The following CNNM2 variants were observed in gnomAD, a reference collection of about 807,000 sequenced individuals.
The protein encoded by CNNM2 is metal transporter CNNM2.
In CNNM2, 12 loss-of-function variants were observed where a neutral mutation model predicts 66.9. That is an observed-to-expected ratio of 0.18 (90% CI 0.11 to 0.29). The LOEUF is 0.29. CNNM2 is among the 10% of genes least tolerant of loss of function. The pLI, the probability that CNNM2 is intolerant of heterozygous loss-of-function variation, is 1.00. For synonymous variants in CNNM2, 557 were observed against 501.8 expected (o/e 1.11, Z -1.47); for missense variants, 705 against 1,167.7 (o/e 0.60, Z 5.77).
At chr10:103,044,929 A>C (rs192687356) in intron 1 of CNNM2, among the ~76,000 whole-genome samples, 1 of 152,332 alleles carries the variant, frequency 6.6e-6, no homozygotes, top group Admixed American at 6.5e-5. Context: ...CTGGTATTTC[A>C]AGTATGTCCA....
intron 1 of CNNM2, among the ~76,000 whole-genome samples, chr10:103,037,281 A>C (rs991686025): frequency 1.3e-5 from 2 of 148,238 alleles, no homozygotes; most frequent in Non-Finnish European, 3.0e-5. Context: ...TATATATTTT[A>C]TTTTTATATA....
chr10:102,954,586 T>A (rs1159030319), intron 1 of CNNM2, among the ~76,000 whole-genome samples: 3 of 152,144 alleles, frequency 2.0e-5, no homozygotes, highest in Non-Finnish European at 4.4e-5. Context: ...TGCTAGGCAT[T>A]TGTGGACAAT....
In CNNM2 at chr10:102,995,674, G is replaced by A. The variant is rs10883817; in HGVS notation, c.1622-54033G>A. Among the ~76,000 whole-genome samples, 60,606 of 148,474 alleles carry A rather than the reference G, an allele frequency of 0.41. 12,360 individuals carry two copies. The highest frequency in any genetic ancestry group is 0.49 in the East Asian group (2,474 of 5,052). ...AACCATGTTAGCTTATTAAAAATGT[G>A]TTACGTCTGGTGGGGGTGGGGGTTG... On this transcript the variant is annotated intron_variant, in intron 1 of 7. Transcript: ENST00000369878.
chr10:103,002,640 C>T (rs889215023), intron 1 of CNNM2, among the ~76,000 whole-genome samples: 16 of 152,090 alleles, frequency 1.1e-4, no homozygotes, highest in African/African-American at 3.4e-4. Flanking sequence ...CCACCACACC[C>T]GGCTAATTTT....
At position 103,028,908 on chromosome 10, in the gene CNNM2, C is replaced by T. The variant is rs190850831; in HGVS notation, c.1622-20799C>T. ...TGTGATATCGGCTCACTGCAACCTCCGCACACCAGGTTCAATCGATTGTCA... is the reference window on the plus strand; with the variant it reads ...TGTGATATCGGCTCACTGCAACCTCTGCACACCAGGTTCAATCGATTGTCA... On this transcript the variant is annotated intron_variant, in intron 1 of 7. Transcript: ENST00000369878. 2.0e-3 allele frequency among the ~76,000 whole-genome samples: 303 copies of T among 149,420 alleles called. 4 individuals carry two copies. The highest frequency in any genetic ancestry group is 3.0e-4 in the Non-Finnish European group (20 of 67,578).
intron 1 of CNNM2, among the ~76,000 whole-genome samples, chr10:103,044,296 T>C (rs2065092289): frequency 6.6e-6 from 1 of 152,174 alleles, no homozygotes; most frequent in African/African-American, 2.4e-5. Flanking sequence ...TGAAAATTTA[T>C]GTATTGAAAA....
rs2065770592 is a variant in CNNM2 at position 103,082,860 on chromosome 10, C to T, written c.*5680C>T. ...GGTTTCTTGGTGACAGGCTCTCTTC[C>T]CCTATGTAGGGTACAGTACAGCTGT... On this transcript the variant is annotated 3_prime_UTR_variant, in exon 8 of 8. Transcript: ENST00000369878. The T allele has an allele frequency of 6.6e-6, 1 of 152,214 alleles. No individual in the cohort carries two copies. Among genetic ancestry groups the T allele is most frequent in the Admixed American group, 6.5e-5 (1 of 15,276 alleles). The allele number at this position is 152,214 out of a possible 1,614,324, so 9.4% of individuals were successfully genotyped here.
Position 103,079,216 on chromosome 10 carries a change from G to GTGATGAGTGTATAAAGA in CNNM2, c.*2040_*2056dup, listed in dbSNP as rs2065732692. On this transcript the variant is annotated 3_prime_UTR_variant, in exon 8 of 8. Transcript: ENST00000369878. ...GCCTCTCACTGAGCACAACACCAGTGTGATGAGTGTATAAAGATGAGGGGT... is the reference window on the plus strand; with the variant it reads ...GCCTCTCACTGAGCACAACACCAGTGTGATGAGTGTATAAAGATGATGAGTGTATAAAGATGAGGGGT... The GTGATGAGTGTATAAAGA allele has an allele frequency of 6.6e-6, 1 of 152,274 alleles. No individual in the cohort carries two copies. Among genetic ancestry groups the GTGATGAGTGTATAAAGA allele is most frequent in the Non-Finnish European group, 1.5e-5 (1 of 68,054 alleles). 9.4% of individuals were successfully genotyped at this position (152,274 alleles called of 1,614,324 possible).
chr10:102,919,542 C>T lies in CNNM2; in HGVS notation c.1062C>T (p.Ile354=). 6.2e-7 allele frequency: 1 copy of T among 1,613,428 alleles called. No homozygotes were observed. The highest frequency in any genetic ancestry group is 8.5e-7 in the Non-Finnish European group (1 of 1,180,038). ...AVVVSTIGIV[I]FGEIVPQAIC... ...TAGTCTCCACCATCGGTATCGTCAT[C>T]TTCGGAGAGATCGTGCCCCAGGCCA... The change falls in exon 1 of 8, where the codon ATC becomes ATT. Residue 354 remains isoleucine, a synonymous_variant. Transcript: ENST00000369878.
chr10:103,074,023 C>T (rs1040588256), intron 6 of CNNM2, among the ~76,000 whole-genome samples: 2 of 152,076 alleles, frequency 1.3e-5, no homozygotes, highest in African/African-American at 4.8e-5. Flanking sequence ...GTGCAGCACT[C>T]ACACCTGTAA....
chr10:103,052,442 T>G (rs568486119), intron 2 of CNNM2, among the ~76,000 whole-genome samples: 1 of 152,258 alleles, frequency 6.6e-6, no homozygotes, highest in East Asian at 1.9e-4. Flanking sequence ...TAAGCCTTGA[T>G]TGGACTGATC....
At chr10:102,970,234 T>A (rs1331522646) in intron 1 of CNNM2, among the ~76,000 whole-genome samples, 2 of 152,226 alleles carry the variant, frequency 1.3e-5, no homozygotes, top group African/African-American at 4.8e-5. Flanking sequence ...GAGGATTGTT[T>A]GAGCTGAGGA....
chr10:103,001,280 G>A (rs1403942301), intron 1 of CNNM2, among the ~76,000 whole-genome samples: 1 of 152,098 alleles, frequency 6.6e-6, no homozygotes, highest in Non-Finnish European at 1.5e-5. Context: ...CAGTGTGAAT[G>A]TACTCAGTGC....
chr10:103,060,483 T>C (rs2065365620), intron 4 of CNNM2, among the ~76,000 whole-genome samples: 1 of 152,050 alleles, frequency 6.6e-6, no homozygotes, highest in Admixed American at 6.6e-5. Context: ...AGGCAGAGAT[T>C]GCAGTGAGCC....
Position 102,967,218 on chromosome 10 carries a change from G to A in CNNM2, c.1621+47117G>A, listed in dbSNP as rs1420721852. 1.3e-5 allele frequency among the ~76,000 whole-genome samples: 2 copies of A among 152,196 alleles called. 1 individual carries two copies. Among genetic ancestry groups the A allele is most frequent in the East Asian group, 3.9e-4 (2 of 5,192 alleles). Reference sequence around the variant, plus strand: ...TCCTCCCACCTCAGCCTCCTGAGTAGCTGGGATTATAGGTGGGAGCCACTG... The same window carrying A: ...TCCTCCCACCTCAGCCTCCTGAGTAACTGGGATTATAGGTGGGAGCCACTG... On this transcript the variant is annotated intron_variant, in intron 1 of 7. Transcript: ENST00000369878.
At chr10:103,040,390 C>T (rs537926622) in intron 1 of CNNM2, among the ~76,000 whole-genome samples, 5 of 151,736 alleles carry the variant, frequency 3.3e-5, no homozygotes, top group Admixed American at 6.6e-5. Flanking sequence ...CAAGTCTGGG[C>T]GGATGAAGCT....
At chr10:102,979,998 C>T (rs1189064028) in intron 1 of CNNM2, among the ~76,000 whole-genome samples, 1 of 151,974 alleles carries the variant, frequency 6.6e-6, no homozygotes, top group Non-Finnish European at 1.5e-5. Flanking sequence ...ACTGCAATCT[C>T]TGCCTCCTGG....
intron 1 of CNNM2, among the ~76,000 whole-genome samples, chr10:102,980,333 T>G (rs2063701064): frequency 6.6e-6 from 1 of 151,878 alleles, no homozygotes; most frequent in Non-Finnish European, 1.5e-5. Flanking sequence ...GGTTTTTTTT[T>G]TTTTCATAGC....
chr10:103,009,349 TTTGAG>T (rs940172340), intron 1 of CNNM2, among the ~76,000 whole-genome samples: 51 of 152,108 alleles, frequency 3.4e-4, no homozygotes, highest in African/African-American at 1.1e-3. Flanking sequence ...GTTTATGACA[TTTGAG>T]TTAACTAAAA....
Sources: allele counts gnomAD v4.1 joint callset (sites outside exome capture counted in the v4.1 genomes callset), GRCh38; gene constraint gnomAD v4.1.1; transcripts MANE v1.5; gene names NCBI Gene and HGNC (gene_info 2026-07-23, HGNC 2026-07-21).